The following SLC71A2 variants were observed in gnomAD, a reference collection of about 807,000 sequenced individuals.
The protein encoded by SLC71A2 is solute carrier family 71 member 2, also known as hippocampus abundant transcript-like 1.
chr9:94,454,477 C>T, the SLC71A2 span, among the ~76,000 whole-genome samples: 3 of 152,106 alleles, frequency 2.0e-5, no homozygotes, highest in East Asian at 1.9e-4. Context: ...AAGCAGTTCT[C>T]CTGCCTCAGG....
chr9:94,418,628 G>T, the SLC71A2 span, among the ~76,000 whole-genome samples: 2 of 152,022 alleles, frequency 1.3e-5, no homozygotes, highest in South Asian at 2.1e-4. Flanking sequence ...TAGAGACAGG[G>T]TTTCACCATA....
the SLC71A2 span, among the ~76,000 whole-genome samples, chr9:94,379,443 G>A: frequency 0.66 from 85,094 of 129,166 alleles, 28,452 homozygotes; most frequent in Middle Eastern, 0.74. Flanking sequence ...GCTGGAGTGC[G>A]GTGGCGCACA....
chr9:94,455,331 G>T, the SLC71A2 span, among the ~76,000 whole-genome samples: 37 of 141,000 alleles, frequency 2.6e-4, no homozygotes, highest in African/African-American at 8.9e-4. Context: ...ACCACGCCTG[G>T]CTAATATTTT....
chr9:94,445,924 A>G, the SLC71A2 span, among the ~76,000 whole-genome samples: 2 of 152,180 alleles, frequency 1.3e-5, no homozygotes, highest in Non-Finnish European at 2.9e-5. Flanking sequence ...TGCCTGTTCT[A>G]TTATTGTCAC....
chr9:94,429,906 T>C, the SLC71A2 span, among the ~76,000 whole-genome samples: 1 of 140,870 alleles, frequency 7.1e-6, no homozygotes, highest in Non-Finnish European at 1.5e-5. Flanking sequence ...CATTCTTTAT[T>C]TTATTTTTTT....
At chr9:94,384,029 A>G in the SLC71A2 span, among the ~76,000 whole-genome samples, 1 of 152,244 alleles carries the variant, frequency 6.6e-6, no homozygotes, top group Admixed American at 6.5e-5. Context: ...AGAAGTTACC[A>G]TCTTAACCAT....
the SLC71A2 span, among the ~76,000 whole-genome samples, chr9:94,413,933 C>T: frequency 2.0e-5 from 3 of 152,220 alleles, no homozygotes; most frequent in Admixed American, 6.5e-5. Context: ...AGTTTCTTAT[C>T]CTCTCATATG....
the SLC71A2 span, among the ~76,000 whole-genome samples, chr9:94,378,398 G>A: frequency 2.0e-5 from 3 of 152,090 alleles, no homozygotes; most frequent in African/African-American, 7.2e-5. Flanking sequence ...TTGGCCGCGT[G>A]CGGTGGATCA....
chr9:94,381,950 G>A, the SLC71A2 span, among the ~76,000 whole-genome samples: 39 of 152,020 alleles, frequency 2.6e-4, no homozygotes, highest in African/African-American at 8.4e-4. Flanking sequence ...CTTCCAATTG[G>A]TCTTTAGTGA....
At chr9:94,408,401 G>A in the SLC71A2 span, among the ~76,000 whole-genome samples, 1 of 152,174 alleles carries the variant, frequency 6.6e-6, no homozygotes, top group Non-Finnish European at 1.5e-5. Flanking sequence ...GGATAAGGGG[G>A]CAACTACTGT....
At chr9:94,452,078 T>G in the SLC71A2 span, among the ~76,000 whole-genome samples, 3 of 152,368 alleles carry the variant, frequency 2.0e-5, no homozygotes, top group South Asian at 2.1e-4. Context: ...TTTAGAATAT[T>G]TGTCGTAACC....
At chr9:94,423,505 C>T in the SLC71A2 span, among the ~76,000 whole-genome samples, 7 of 152,110 alleles carry the variant, frequency 4.6e-5, no homozygotes, top group Non-Finnish European at 1.0e-4. Context: ...ACTATGGTTA[C>T]TTGCCAGCAA....
At chr9:94,459,602 T>C in the SLC71A2 span, 2 of 572,262 alleles carry the variant, frequency 3.5e-6, no homozygotes, top group East Asian at 5.7e-5. Context: ...ATTCTTTTTT[T>C]TTTTCCTGTT....
chr9:94,450,507 T>TTTTTTTTTTTTTTTTC, the SLC71A2 span, among the ~76,000 whole-genome samples: 5 of 137,214 alleles, frequency 3.6e-5, no homozygotes, highest in African/African-American at 1.2e-4. Flanking sequence ...TTTTTTTTTT[T>TTTTTTTTTTTTTTTTC]GAGATGGAGT....
the SLC71A2 span, among the ~76,000 whole-genome samples, chr9:94,381,898 T>C: frequency 6.6e-6 from 1 of 152,272 alleles, no homozygotes; most frequent in Admixed American, 6.5e-5. Context: ...ATGATAATTC[T>C]AGTTCATCCA....
At chr9:94,447,243 G>A in the SLC71A2 span, among the ~76,000 whole-genome samples, 17 of 151,128 alleles carry the variant, frequency 1.1e-4, no homozygotes, top group Admixed American at 7.9e-4. Context: ...GCAATGGCAC[G>A]ATCTTGGCTC....
At chr9:94,456,118 AAAAT>A in the SLC71A2 span, 27 of 616,024 alleles carry the variant, frequency 4.4e-5, no homozygotes, top group East Asian at 5.3e-4. Context: ...TAAAGAGGAA[AAAAT>A]AAATAAAATG....
At chr9:94,383,952 T>G in the SLC71A2 span, among the ~76,000 whole-genome samples, 1 of 152,218 alleles carries the variant, frequency 6.6e-6, no homozygotes, top group Non-Finnish European at 1.5e-5. Context: ...AATTGTTTGT[T>G]GCCAGCATAT....
chr9:94,420,785 G>A, the SLC71A2 span, among the ~76,000 whole-genome samples: 1 of 152,048 alleles, frequency 6.6e-6, no homozygotes, highest in African/African-American at 2.4e-5. Context: ...TGTAGTCCCA[G>A]CTACTTGGGA....
Sources: allele counts gnomAD v4.1 joint callset (sites outside exome capture counted in the v4.1 genomes callset), GRCh38; gene constraint gnomAD v4.1.1; transcripts MANE v1.5; gene names NCBI Gene and HGNC (gene_info 2026-07-23, HGNC 2026-07-21).